The following SMARCAL1 variants were observed in gnomAD, a reference collection of about 807,000 sequenced individuals.
The protein encoded by SMARCAL1 is SNF2 related chromatin remodeling annealing helicase 1.
Under a neutral mutation model 94.5 loss-of-function variants are expected in SMARCAL1, and 58 were observed. That is an observed-to-expected ratio of 0.61 (90% CI 0.50 to 0.76). The LOEUF (loss-of-function observed/expected upper bound fraction) is 0.76, where lower values mean the gene tolerates loss of function less well. Among genes scored for constraint, SMARCAL1 ranks in the 30% least tolerant of loss-of-function variants. SMARCAL1 has a pLI of 0.00. For missense variants in SMARCAL1, 1,051 were observed against 1,177.9 expected (o/e 0.89, Z 1.58); for synonymous variants, 422 against 455.1 (o/e 0.93, Z 0.93).
intron 17 of SMARCAL1, among the ~76,000 whole-genome samples, chr2:216,480,308 G>A (rs1043769736): frequency 6.6e-6 from 1 of 152,184 alleles, no homozygotes; most frequent in African/African-American, 2.4e-5. Context: ...AAGCAGAAGA[G>A]GTTATATCTC....
intron 10 of SMARCAL1, among the ~76,000 whole-genome samples, chr2:216,443,582 A>G (rs1694245855): frequency 6.6e-6 from 1 of 152,206 alleles, no homozygotes; most frequent in Non-Finnish European, 1.5e-5. Flanking sequence ...GCTTGAAGGC[A>G]TTATGGTTAT....
chr2:216,439,332 G>T (rs1480115583), intron 10 of SMARCAL1, among the ~76,000 whole-genome samples: 1 of 152,104 alleles, frequency 6.6e-6, no homozygotes, highest in East Asian at 1.9e-4. Flanking sequence ...TATGGGGGGG[G>T]GGGATGATTT....
rs149631446 is a variant in SMARCAL1, at chr2:216,414,829, T to C, written c.125T>C (p.Ile42Thr). ...QHQRTSSGTS[I>T]AGNPFQAKQG... Reference sequence around the variant, plus strand: ...CAGAGGACTAGCTCGGGCACCTCCATTGCTGGCAACCCATTCCAGGCCAAG... The same window carrying C: ...CAGAGGACTAGCTCGGGCACCTCCACTGCTGGCAACCCATTCCAGGCCAAG... The change falls in exon 3 of 18, where the codon ATT (isoleucine) becomes ACT (threonine). Residue 42 changes from isoleucine to threonine, a missense_variant. Around this residue, in one of 3 missense-constraint regions of SMARCAL1, gnomAD observed 398 missense variants for 395.2 expected, o/e 1.01. Transcript: ENST00000357276. 6.2e-7 allele frequency: 1 copy of C among 1,614,192 alleles called. No individual in the cohort carries two copies. Among genetic ancestry groups the C allele is most frequent in the East Asian group, 2.2e-5 (1 of 44,884 alleles).
Position 216,475,541 on chromosome 2 carries a change from T to C in SMARCAL1, c.2427+90T>C. 1 of 1,329,804 alleles carries C rather than the reference T, an allele frequency of 7.5e-7. No homozygotes were observed. The highest frequency in any genetic ancestry group is 1.1e-6 in the Non-Finnish European group (1 of 923,588). The allele number at this position is 1,329,804 out of a possible 1,614,324, so 82.4% of individuals were successfully genotyped here. A position where few individuals can be genotyped will look rare whatever the true frequency, so the allele number is the denominator to read the frequency against. ...AGTGTCGGTCGGGGAAAGTGTGGTT[T>C]CCCTTTTATCCATTCATTATACTTC... On this transcript the variant is annotated intron_variant, in intron 15 of 17. Coordinates refer to ENST00000357276, the MANE Select transcript of SMARCAL1 (RefSeq NM_014140.4). This position sits in a 1 kb window ranked among gnomAD's most constrained non-coding sequence, Gnocchi z 4.4.
At chr2:216,431,567 T>C (rs1048488638) in intron 7 of SMARCAL1, among the ~76,000 whole-genome samples, 1 of 152,220 alleles carries the variant, frequency 6.6e-6, no homozygotes, top group Non-Finnish European at 1.5e-5. Context: ...TGCCAACCAC[T>C]GTTTTCAGTA....
intron 12 of SMARCAL1, among the ~76,000 whole-genome samples, chr2:216,455,578 C>T (rs925853177): frequency 2.0e-5 from 3 of 152,200 alleles, no homozygotes; most frequent in Non-Finnish European, 2.9e-5. Context: ...CTGCTGATAC[C>T]GAGCCAAACA....
chr2:216,467,999 C>T lies in SMARCAL1; in HGVS notation c.2197C>T (p.His733Tyr). Reference protein sequence around the residue: ...SGREKFLVFAHHKVVLDAITQ... With the variant: ...SGREKFLVFAYHKVVLDAITQ... ...AAGAGAGAAGTTTTTAGTATTTGCA[C>T]ACCATAAGGTGGTCCTGGACGCAAT... Residue 733 changes from histidine to tyrosine, a missense_variant, in exon 14 of 18, where the codon CAC becomes TAC. His to Tyr is a moderately conservative substitution (Grantham distance 83). This residue lies in a region of SMARCAL1 where 642 missense variants were observed against 754.7 expected (regional missense o/e 0.85). Transcript: ENST00000357276. 6.2e-7 allele frequency: 1 copy of T among 1,613,896 alleles called. No homozygotes were observed. The highest frequency in any genetic ancestry group is 8.5e-7 in the Non-Finnish European group (1 of 1,179,810).
rs1695234591 is a variant in SMARCAL1, at chr2:216,483,048, T to C, written c.*71T>C. 1 of 1,580,770 alleles carries C rather than the reference T, an allele frequency of 6.3e-7. No homozygotes were observed. Among genetic ancestry groups the C allele is most frequent in the Admixed American group, 1.7e-5 (1 of 58,598 alleles). On this transcript the variant is annotated 3_prime_UTR_variant, in exon 18 of 18. Coordinates refer to ENST00000357276, the MANE Select transcript of SMARCAL1 (RefSeq NM_014140.4). ...TTGAAATAAAATAATGTATTTTGTT[T>C]TAAAACTTTTTGAGCTTCTCTTGCC...
chr2:216,441,666 A>G (rs762551496), intron 10 of SMARCAL1, among the ~76,000 whole-genome samples: 10 of 152,188 alleles, frequency 6.6e-5, no homozygotes, highest in Non-Finnish European at 1.2e-4. Context: ...TATTTATCCT[A>G]TTAGGACAAA....
At chr2:216,467,526 A>T (rs1340361624) in intron 13 of SMARCAL1, among the ~76,000 whole-genome samples, 1 of 151,630 alleles carries the variant, frequency 6.6e-6, no homozygotes, top group Non-Finnish European at 1.5e-5. Flanking sequence ...CAGTGGCTGG[A>T]AGAGAGATGT....
chr2:216,468,578 G>A (rs1352494167), intron 14 of SMARCAL1, among the ~76,000 whole-genome samples: 1 of 151,954 alleles, frequency 6.6e-6, no homozygotes, highest in East Asian at 1.9e-4. Context: ...TTTCATTTTT[G>A]GTTAAATTTA....
chr2:216,435,546 C>A, intron 9 of SMARCAL1, 50 bp downstream of exon 9: 1 of 1,531,460 alleles, frequency 6.5e-7, no homozygotes, highest in Non-Finnish European at 9.0e-7. Context: ...TGGAAACTTT[C>A]TTTGTAAAAG....
intron 14 of SMARCAL1, among the ~76,000 whole-genome samples, chr2:216,469,422 C>T (rs1694911573): frequency 6.6e-6 from 1 of 151,786 alleles, no homozygotes; most frequent in Non-Finnish European, 1.5e-5. Context: ...GCTGGGACTA[C>T]AGGTGCCCGC....
intron 5 of SMARCAL1, among the ~76,000 whole-genome samples, chr2:216,422,241 G>A (rs1481275085): frequency 3.3e-5 from 5 of 152,180 alleles, no homozygotes; most frequent in Admixed American, 1.3e-4. Flanking sequence ...CTAGCCAGGC[G>A]TGGTGGTGCC....
chr2:216,446,948 TG>T (rs1694328580), intron 10 of SMARCAL1, 69 bp from the exon 11 acceptor site: 5 of 1,600,542 alleles, frequency 3.1e-6, no homozygotes, highest in Non-Finnish European at 4.3e-6. Context: ...CCTCCCTCAC[TG>T]GGGCATTTTG....
chr2:216,414,813 A>G lies in SMARCAL1; in HGVS notation c.109A>G (p.Ser37Gly), dbSNP rs2106014375. Residue 37 changes from serine (S) to glycine (G), a missense_variant, in exon 3 of 18, where the codon AGC becomes GGC. Ser to Gly is a moderately conservative substitution (Grantham distance 56, BLOSUM62 0). This residue lies in a region of SMARCAL1 where 398 missense variants were observed against 395.2 expected (regional missense o/e 1.01). Transcript: ENST00000357276. ...KLLAEQHQRTSSGTSIAGNPF... is the reference protein window; with the variant it reads ...KLLAEQHQRTGSGTSIAGNPF... The stretch of plus-strand genomic sequence containing the variant: ...ATTGGCAGAACAGCATCAGAGGACT[A>G]GCTCGGGCACCTCCATTGCTGGCAA... The G allele has an allele frequency of 6.2e-6, 10 of 1,614,256 alleles. No homozygotes were observed. The highest frequency in any genetic ancestry group is 8.5e-6 in the Non-Finnish European group (10 of 1,180,044).
chr2:216,457,778 C>T (rs902322367), intron 12 of SMARCAL1, among the ~76,000 whole-genome samples: 12 of 152,086 alleles, frequency 7.9e-5, no homozygotes, highest in African/African-American at 2.7e-4. Flanking sequence ...ATTAAAAGAA[C>T]TAGAGAAGCA....
chr2:216,419,012 T>C (rs1380762538), intron 4 of SMARCAL1, among the ~76,000 whole-genome samples: 3 of 152,254 alleles, frequency 2.0e-5, no homozygotes. Context: ...TTGTTGTTTA[T>C]TTTTTCCTGC....
At chr2:216,445,723 G>C (rs770327659) in intron 10 of SMARCAL1, among the ~76,000 whole-genome samples, 2 of 152,154 alleles carry the variant, frequency 1.3e-5, no homozygotes, top group Non-Finnish European at 2.9e-5. Flanking sequence ...AGAAGGCCTA[G>C]GTAATTGAAC....
Sources: gnomAD v4.1 joint callset for allele counts (sites outside exome capture counted in the v4.1 genomes callset) on GRCh38, gnomAD v4.1.1 for gene constraint, gnomAD v4.1.1 regional missense constraint, Gnocchi (gnomAD v3.1) non-coding constraint, MANE v1.5 for transcripts, NCBI Gene and HGNC (gene_info 2026-07-23, HGNC 2026-07-21) for gene names.